The following AMD1 variants were observed in gnomAD, a reference collection of about 807,000 sequenced individuals.
The protein encoded by AMD1 is adenosylmethionine decarboxylase 1, also known as S-adenosylmethionine decarboxylase proenzyme.
Under a neutral mutation model 40.2 loss-of-function variants are expected in AMD1, and 11 were observed. That is an observed-to-expected ratio of 0.27 (90% CI 0.17 to 0.45). The LOEUF is 0.45. Among genes scored for constraint, AMD1 ranks in the 20% least tolerant of loss-of-function variants. The pLI, the probability that AMD1 is intolerant of heterozygous loss-of-function variation, is 1.00. For missense variants in AMD1, 257 were observed against 410.2 expected (o/e 0.63, Z 3.23); for synonymous variants, 121 against 130.8 (o/e 0.93, Z 0.51).
upstream of AMD1, among the ~76,000 whole-genome samples, chr6:110,873,710 C>T (rs1473872510): frequency 6.6e-6 from 1 of 151,906 alleles, no homozygotes; most frequent in African/African-American, 2.4e-5. Flanking sequence ...ACTGTTTGAC[C>T]ATGGCTTGAC....
chr6:110,840,074 A>C, the AMD1 span, among the ~76,000 whole-genome samples: 3 of 139,066 alleles, frequency 2.2e-5, no homozygotes, highest in African/African-American at 8.2e-5. Context: ...TCTGAAGTGC[A>C]ATGGTGCGAT....
chr6:110,816,322 T>A, the AMD1 span, among the ~76,000 whole-genome samples: 18 of 152,212 alleles, frequency 1.2e-4, no homozygotes, highest in Non-Finnish European at 2.4e-4. Flanking sequence ...ATGCATGATG[T>A]GAGGTTCTAG....
intron 8 of AMD1, 47 bp from the exon 9 acceptor site, chr6:110,893,429 C>T (rs573400156): frequency 5.6e-6 from 9 of 1,601,730 alleles, no homozygotes; most frequent in African/African-American, 4.0e-5. Flanking sequence ...GTTGAAAATA[C>T]TTCTCTGGAT....
the AMD1 span, among the ~76,000 whole-genome samples, chr6:110,818,351 G>A: frequency 6.6e-6 from 1 of 152,078 alleles, no homozygotes; most frequent in African/African-American, 2.4e-5. Context: ...TTGGTTTACA[G>A]GAATAACATT....
the AMD1 span, chr6:110,863,917 C>A: frequency 4.1e-6 from 2 of 491,834 alleles, no homozygotes; most frequent in Admixed American, 2.2e-5. Context: ...CATAGCCAAC[C>A]AAAAAAACAT....
At chr6:110,891,804 G>A (rs1337269755) in intron 4 of AMD1, 7 of 242,630 alleles carry the variant, frequency 2.9e-5, no homozygotes, top group South Asian at 1.2e-4. Context: ...GTGGAGTGGC[G>A]TGATCTTGGC....
At chr6:110,892,226 GA>G (rs2115312391) in intron 5 of AMD1, 23 bp downstream of exon 5, 1 of 1,613,722 alleles carries the variant, frequency 6.2e-7, no homozygotes, top group African/African-American at 1.3e-5. Flanking sequence ...CAATTTTGTG[GA>G]TTTTTGTTGT....
At chr6:110,870,299 A>C (rs1784890977), upstream of AMD1, among the ~76,000 whole-genome samples, 1 of 152,180 alleles carries the variant, frequency 6.6e-6, no homozygotes, top group Non-Finnish European at 1.5e-5. Flanking sequence ...AACAGTAGGA[A>C]GCCAGTTCCA....
the AMD1 span, chr6:110,863,885 A>C: frequency 8.1e-6 from 4 of 494,218 alleles, 1 homozygote; most frequent in East Asian, 1.7e-4. Context: ...TAAAGAGGGC[A>C]GAAGTCCAGG....
At chr6:110,857,770 GTATATA>G in the AMD1 span, among the ~76,000 whole-genome samples, 1 of 142,140 alleles carries the variant, frequency 7.0e-6, no homozygotes, top group Admixed American at 7.1e-5. Context: ...TAGATGGTGT[GTATATA>G]TATATATATA....
intron 1 of AMD1, chr6:110,875,531 G>C (rs1785052077): frequency 4.1e-6 from 1 of 246,828 alleles, no homozygotes; most frequent in East Asian, 8.1e-5. Flanking sequence ...GTGGTTTTGC[G>C]GCCCGCGCCT....
intron 1 of AMD1, among the ~76,000 whole-genome samples, chr6:110,886,935 C>T (rs1048766008): frequency 1.1e-4 from 16 of 152,346 alleles, no homozygotes; most frequent in Middle Eastern, 6.8e-3. Context: ...GTTGCTTGTA[C>T]TGCACATTTC....
the AMD1 span, among the ~76,000 whole-genome samples, chr6:110,849,098 C>T: frequency 6.6e-6 from 1 of 152,154 alleles, no homozygotes; most frequent in African/African-American, 2.4e-5. Flanking sequence ...ATTTTGCATT[C>T]CAATTTCATG....
At chr6:110,862,217 C>A in the AMD1 span, among the ~76,000 whole-genome samples, 1 of 151,288 alleles carries the variant, frequency 6.6e-6, no homozygotes, top group Admixed American at 6.6e-5. Context: ...ATTATGTTGC[C>A]CAGTCTCCAA....
chr6:110,815,410 C>A, the AMD1 span: 1 of 308,432 alleles, frequency 3.2e-6, no homozygotes, highest in East Asian at 5.8e-5. Context: ...CCTTCATTTC[C>A]TTGTTTTGGA....
chr6:110,820,389 C>T, the AMD1 span, among the ~76,000 whole-genome samples: 16 of 151,772 alleles, frequency 1.1e-4, no homozygotes, highest in African/African-American at 3.4e-4. Context: ...GGCATGCACT[C>T]GCATGCCCGC....
chr6:110,877,304 C>G (rs1203625988), intron 1 of AMD1, among the ~76,000 whole-genome samples: 3 of 152,212 alleles, frequency 2.0e-5, no homozygotes. Flanking sequence ...ACTAAGGTCC[C>G]GTGATAACCT....
chr6:110,844,851 G>T, the AMD1 span, among the ~76,000 whole-genome samples: 1 of 151,972 alleles, frequency 6.6e-6, no homozygotes, highest in Non-Finnish European at 1.5e-5. Flanking sequence ...ATAAAGAAAA[G>T]ATGTTTCATT....
chr6:110,826,761 G>A, the AMD1 span, among the ~76,000 whole-genome samples: 1 of 147,372 alleles, frequency 6.8e-6, no homozygotes, highest in Non-Finnish European at 1.5e-5. Flanking sequence ...GCGAAATCCC[G>A]GCTCACTGCA....
Sources: gnomAD v4.1 joint callset for allele counts (sites outside exome capture counted in the v4.1 genomes callset) on GRCh38, gnomAD v4.1.1 for gene constraint, MANE v1.5 for transcripts, NCBI Gene and HGNC (gene_info 2026-07-23, HGNC 2026-07-21) for gene names.